DPP10: variants seen among roughly 807,000 people sequenced by gnomAD.
DPP10 encodes the protein inactive dipeptidyl peptidase 10.
In DPP10, 33 loss-of-function variants were observed where a neutral mutation model predicts 120.9. The observed-to-expected ratio is 0.27, with a 90% CI of 0.21 to 0.37. The LOEUF is 0.37. Ranked by LOEUF, DPP10 falls within the 10% of genes least tolerant of loss-of-function variation. The pLI is 1.00. For missense variants in DPP10, 816 were observed against 942.8 expected (o/e 0.87, Z 1.76); for synonymous variants, 337 against 326.1 (o/e 1.03, Z -0.36).
At chr2:115,130,742 C>T (rs2050312742) in intron 1 of DPP10, among the ~76,000 whole-genome samples, 1 of 152,266 alleles carries the variant, frequency 6.6e-6, no homozygotes, top group South Asian at 2.1e-4. Flanking sequence ...TTCTCCCCAC[C>T]TCTTCCATTC....
At chr2:114,825,661 C>T (rs1026048147) in intron 1 of DPP10, among the ~76,000 whole-genome samples, 5 of 152,100 alleles carry the variant, frequency 3.3e-5, no homozygotes, top group Admixed American at 2.0e-4. Flanking sequence ...TATGTTCCCC[C>T]CCAACTCCAA....
At chr2:114,877,219 A>C (rs1427539826) in intron 1 of DPP10, among the ~76,000 whole-genome samples, 1 of 152,072 alleles carries the variant, frequency 6.6e-6, no homozygotes, top group Non-Finnish European at 1.5e-5. Context: ...TGATGTGTGC[A>C]TATTCTAAAT....
At chr2:115,291,953 C>T (rs1465509180) in intron 1 of DPP10, among the ~76,000 whole-genome samples, 1 of 152,122 alleles carries the variant, frequency 6.6e-6, no homozygotes, top group African/African-American at 2.4e-5. Flanking sequence ...TTTACATAAT[C>T]AGAGAAACCC....
At chr2:115,017,942 T>C (rs888624361) in intron 1 of DPP10, among the ~76,000 whole-genome samples, 66 of 151,720 alleles carry the variant, frequency 4.4e-4, no homozygotes, top group African/African-American at 1.6e-3. Context: ...ACATGGCACA[T>C]GTATACATAT....
intron 5 of DPP10, among the ~76,000 whole-genome samples, chr2:115,555,590 A>G (rs1169185780): frequency 6.6e-6 from 1 of 152,092 alleles, no homozygotes; most frequent in African/African-American, 2.4e-5. Context: ...AGGAAAACTA[A>G]TGTGATACTT....
intron 1 of DPP10, among the ~76,000 whole-genome samples, chr2:115,016,168 C>A (rs925694585): frequency 6.6e-6 from 1 of 152,032 alleles, no homozygotes; most frequent in South Asian, 2.1e-4. Context: ...ACCAATGGAA[C>A]AGAACAGAAC....
chr2:114,791,558 G>A (rs1311527687), intron 1 of DPP10, among the ~76,000 whole-genome samples: 1 of 152,050 alleles, frequency 6.6e-6, no homozygotes, highest in African/African-American at 2.4e-5. Context: ...TCACGTAAAA[G>A]TTGGTTTGAA....
At chr2:115,286,169 A>C (rs1038542760) in intron 1 of DPP10, among the ~76,000 whole-genome samples, 1 of 151,762 alleles carries the variant, frequency 6.6e-6, no homozygotes, top group Non-Finnish European at 1.5e-5. Flanking sequence ...TATGCATCCT[A>C]ATACTGGTAT....
intron 1 of DPP10, among the ~76,000 whole-genome samples, chr2:114,754,505 A>G (rs570205521): frequency 2.0e-5 from 3 of 152,228 alleles, no homozygotes; most frequent in African/African-American, 7.2e-5. Context: ...GAGCATAGTT[A>G]TTTTTCTTTC....
At chr2:114,821,896 A>C (rs927258324) in intron 1 of DPP10, among the ~76,000 whole-genome samples, 1 of 152,156 alleles carries the variant, frequency 6.6e-6, no homozygotes, top group African/African-American at 2.4e-5. Flanking sequence ...GTGGTTTTGC[A>C]GAGTACAGCT....
intron 1 of DPP10, among the ~76,000 whole-genome samples, chr2:115,091,331 T>A (rs1709237485): frequency 6.6e-6 from 1 of 152,244 alleles, no homozygotes; most frequent in Non-Finnish European, 1.5e-5. Flanking sequence ...CATTGTCTTT[T>A]CAGATTCATT....
intron 1 of DPP10, among the ~76,000 whole-genome samples, chr2:115,206,939 A>G (rs572457631): frequency 1.3e-5 from 2 of 152,356 alleles, no homozygotes; most frequent in East Asian, 3.9e-4. Context: ...AAGACCTAAT[A>G]GAACTAGAAA....
chr2:114,478,650 T>C (rs867509715), intron 1 of DPP10, among the ~76,000 whole-genome samples: 1 of 152,060 alleles, frequency 6.6e-6, no homozygotes, highest in Admixed American at 6.6e-5. Context: ...ATTATCTCCA[T>C]TTACAAATTT....
intron 1 of DPP10, among the ~76,000 whole-genome samples, chr2:114,757,017 TC>T (rs1679815442): frequency 1.4e-5 from 2 of 147,064 alleles, no homozygotes; most frequent in Non-Finnish European, 3.0e-5. Flanking sequence ...TCACAACATA[TC>T]AAGTCTTGAA....
At chr2:115,394,499 G>GGAAA (rs2067540732) in intron 3 of DPP10, among the ~76,000 whole-genome samples, 1 of 150,748 alleles carries the variant, frequency 6.6e-6, no homozygotes, top group African/African-American at 2.4e-5. Flanking sequence ...AAAAAGAAAG[G>GGAAA]GAAAGCATTA....
rs181814713 is a variant in DPP10 at position 114,799,150 on chromosome 2, G to A, written c.60+356312G>A. Reference sequence around the variant, plus strand: ...ATCTCAAGAGAAAAAAAATTAAAAAGTTTATATTAAAGAATAAATGTCAGA... The same window carrying A: ...ATCTCAAGAGAAAAAAAATTAAAAAATTTATATTAAAGAATAAATGTCAGA... On this transcript the variant is annotated intron_variant, in intron 1 of 25. Transcript: ENST00000410059. Among the ~76,000 whole-genome samples, 798 of 152,226 alleles carry A rather than the reference G, an allele frequency of 5.2e-3. 5 individuals are homozygous for A. The highest frequency in any genetic ancestry group is 9.4e-3 in the Non-Finnish European group (636 of 67,982).
chr2:114,824,881 C>T (rs953509780), intron 1 of DPP10, among the ~76,000 whole-genome samples: 2 of 152,088 alleles, frequency 1.3e-5, no homozygotes, highest in Non-Finnish European at 2.9e-5. Context: ...AACAGAGATA[C>T]TGTTGTAGGT....
At chr2:115,248,463 G>C (rs1355729801) in intron 1 of DPP10, among the ~76,000 whole-genome samples, 1 of 151,546 alleles carries the variant, frequency 6.6e-6, no homozygotes, top group Non-Finnish European at 1.5e-5. Context: ...TTTTCTTTGT[G>C]AGTCAATCCT....
chr2:115,595,975 A>G (rs1033346884), intron 5 of DPP10, among the ~76,000 whole-genome samples: 1 of 152,020 alleles, frequency 6.6e-6, no homozygotes, highest in African/African-American at 2.4e-5. Flanking sequence ...TTTTTAGTGG[A>G]AAACCTAGGA....
Sources: gnomAD v4.1 joint callset for allele counts (sites outside exome capture counted in the v4.1 genomes callset) on GRCh38, gnomAD v4.1.1 for gene constraint, MANE v1.5 for transcripts, NCBI Gene and HGNC (gene_info 2026-07-23, HGNC 2026-07-21) for gene names.